The following RUNX1 variants were observed in gnomAD, a reference collection of about 807,000 sequenced individuals.
The protein encoded by RUNX1 is RUNX family transcription factor 1, also known as runt-related transcription factor 1.
A neutral mutation model predicts 42.8 loss-of-function variants in RUNX1; 19 were observed. The ratio of observed to expected loss-of-function variants is 0.44; its 90% CI spans 0.31 to 0.65. RUNX1 has a LOEUF of 0.65. RUNX1 is among the 30% of genes least tolerant of loss of function. The pLI is 0.07. For missense variants in RUNX1, 528 were observed against 672.0 expected (o/e 0.79, Z 2.37); for synonymous variants, 271 against 289.4 (o/e 0.94, Z 0.64).
intron 2 of RUNX1, among the ~76,000 whole-genome samples, chr21:35,024,381 A>G (rs1342223142): frequency 6.6e-6 from 1 of 152,238 alleles, no homozygotes; most frequent in East Asian, 1.9e-4. Context: ...TCTACAAGAG[A>G]GAGAAACACA....
At chr21:35,043,007 G>C (rs986879413) in intron 2 of RUNX1, among the ~76,000 whole-genome samples, 3 of 152,186 alleles carry the variant, frequency 2.0e-5, no homozygotes, top group African/African-American at 7.2e-5. Flanking sequence ...AGAGCCAAGA[G>C]AGTATAACAC....
At chr21:35,034,225 C>G (rs73900784) in intron 2 of RUNX1, among the ~76,000 whole-genome samples, 7,754 of 152,308 alleles carry the variant, frequency 0.051, 659 homozygotes, top group African/African-American at 0.18. Flanking sequence ...ATTGTCTCCA[C>G]TGTGTAGATA....
chr21:34,895,930 A>G (rs1569092218), intron 2 of RUNX1, among the ~76,000 whole-genome samples: 1 of 151,792 alleles, frequency 6.6e-6, no homozygotes, highest in Admixed American at 6.6e-5. Context: ...AGGAGTGGGG[A>G]GCTATAGCAG....
chr21:34,933,994 G>C (rs1390262192), intron 2 of RUNX1, among the ~76,000 whole-genome samples: 2 of 152,166 alleles, frequency 1.3e-5, no homozygotes, highest in East Asian at 3.9e-4. Context: ...CAAGTGCAGG[G>C]GGAATTAATA....
rs1051862406 is a variant in RUNX1, at chr21:34,854,584, C to CA, written c.613+4889dup. Among the ~76,000 whole-genome samples, 100 of 123,978 alleles carry CA rather than the reference C, an allele frequency of 8.1e-4. No individual in the cohort carries two copies. In the South Asian group the frequency reaches 0.011, roughly 13 times the overall value. 81.3% of individuals were successfully genotyped at this position (123,978 alleles called of 152,430 possible). On this transcript the variant is annotated intron_variant, in intron 6 of 8. Transcript: ENST00000675419. ...TGGGCAACAGAGTGAGATTTCACCT[C>CA]AAAAAAAAAAGAAAAAAAAAAAGAA...
chr21:34,928,821 C>G (rs1398253039), intron 2 of RUNX1, among the ~76,000 whole-genome samples: 2 of 152,106 alleles, frequency 1.3e-5, no homozygotes, highest in Non-Finnish European at 2.9e-5. Context: ...TGGTCAGTGT[C>G]CATGGTTATC....
At chr21:35,017,332 A>G (rs2834734) in intron 2 of RUNX1, among the ~76,000 whole-genome samples, 8,839 of 152,280 alleles carry the variant, frequency 0.058, 316 homozygotes, top group Non-Finnish European at 0.07. Flanking sequence ...GGAATGAAGA[A>G]TCTAAAGCTT....
At chr21:34,869,208 T>C (rs1048550517) in intron 5 of RUNX1, among the ~76,000 whole-genome samples, 4 of 152,172 alleles carry the variant, frequency 2.6e-5, no homozygotes, top group African/African-American at 9.7e-5. Flanking sequence ...ATTCTCGCTG[T>C]AGAAGGAAGA....
intron 2 of RUNX1, among the ~76,000 whole-genome samples, chr21:34,896,305 T>C (rs940939349): frequency 2.6e-5 from 4 of 152,086 alleles, no homozygotes; most frequent in African/African-American, 7.2e-5. Context: ...TCTGGGATTA[T>C]CAACATTCCA....
intron 6 of RUNX1, 73 bp from the exon 7 acceptor site, chr21:34,834,674 G>A: frequency 7.4e-7 from 1 of 1,344,752 alleles, no homozygotes; most frequent in Non-Finnish European, 1.0e-6. Flanking sequence ...AAAAAGTATT[G>A]TGGATTTCCT....
At chr21:34,999,279 G>A (rs1569144789) in intron 2 of RUNX1, among the ~76,000 whole-genome samples, 1 of 152,240 alleles carries the variant, frequency 6.6e-6, no homozygotes, top group Non-Finnish European at 1.5e-5. Flanking sequence ...AGCATAACAC[G>A]TTGTTAGCAT....
intron 6 of RUNX1, chr21:34,856,324 A>C: frequency 1.9e-6 from 1 of 518,446 alleles, no homozygotes; most frequent in Non-Finnish European, 3.9e-6. Context: ...CCACACCTGC[A>C]ATGAGGCACT....
At chr21:35,046,940 C>T (rs370868929) in intron 2 of RUNX1, among the ~76,000 whole-genome samples, 18 of 152,182 alleles carry the variant, frequency 1.2e-4, no homozygotes, top group South Asian at 8.3e-4. Context: ...CCTAACCTAG[C>T]GCAGGTCAGC....
chr21:34,846,378 A>G (rs2057316872), intron 6 of RUNX1, among the ~76,000 whole-genome samples: 1 of 149,664 alleles, frequency 6.7e-6, no homozygotes, highest in South Asian at 2.1e-4. Context: ...CTCAGTCACA[A>G]TCTTTGTCTT....
intron 2 of RUNX1, among the ~76,000 whole-genome samples, chr21:35,030,569 G>A (rs960839371): frequency 4.6e-5 from 7 of 152,028 alleles, no homozygotes; most frequent in African/African-American, 9.7e-5. Flanking sequence ...GCATTAGATC[G>A]GCTCAAAATG....
chr21:34,946,492 A>G (rs1006164996), intron 2 of RUNX1, among the ~76,000 whole-genome samples: 3 of 152,150 alleles, frequency 2.0e-5, no homozygotes, highest in Admixed American at 6.5e-5. Context: ...AGTCTCCAGG[A>G]AGACTTCCTC....
chr21:34,920,265 ACAAC>A (rs1206559497), intron 2 of RUNX1, among the ~76,000 whole-genome samples: 1 of 152,132 alleles, frequency 6.6e-6, no homozygotes, highest in Non-Finnish European at 1.5e-5. Flanking sequence ...TTCTTATTCC[ACAAC>A]CAAGGTCTTT....
At chr21:34,887,535 T>G in intron 3 of RUNX1, 1 of 1,137,608 alleles carries the variant, frequency 8.8e-7, no homozygotes, top group South Asian at 3.2e-5. Context: ...GTTCCAGTAG[T>G]TAATGCCTGT....
At chr21:34,958,963 C>T (rs1402841813) in intron 2 of RUNX1, among the ~76,000 whole-genome samples, 2 of 151,856 alleles carry the variant, frequency 1.3e-5, no homozygotes, top group African/African-American at 4.8e-5. Context: ...AAAAACCAAA[C>T]ACCGCATGTT....
Sources: allele counts gnomAD v4.1 joint callset (sites outside exome capture counted in the v4.1 genomes callset), GRCh38; gene constraint gnomAD v4.1.1; transcripts MANE v1.5; gene names NCBI Gene and HGNC (gene_info 2026-07-23, HGNC 2026-07-21).